The following DPP10 variants were observed in gnomAD, a reference collection of about 807,000 sequenced individuals.
DPP10 encodes dipeptidyl peptidase like 10.
DPP10 carries 33 observed loss-of-function variants against 120.9 expected under a neutral mutation model. That is an observed-to-expected ratio of 0.27 (90% CI 0.21 to 0.37). The LOEUF (loss-of-function observed/expected upper bound fraction) is 0.37, where lower values mean the gene tolerates loss of function less well. Ranked by LOEUF, DPP10 falls within the 10% of genes least tolerant of loss-of-function variation. The probability of loss-of-function intolerance (pLI) is 1.00; values close to 1 mark genes in which losing one functional copy is unlikely to be tolerated. For missense variants in DPP10, 816 were observed against 942.8 expected (o/e 0.87, Z 1.76); for synonymous variants, 337 against 326.1 (o/e 1.03, Z -0.36).
chr2:114,840,107 T>C (rs987611297), intron 1 of DPP10, among the ~76,000 whole-genome samples: 1 of 152,184 alleles, frequency 6.6e-6, no homozygotes, highest in Non-Finnish European at 1.5e-5. Context: ...CAAACAGTTG[T>C]TTTCCTAAGT....
chr2:114,993,395 A>C (rs1302278272), intron 1 of DPP10, among the ~76,000 whole-genome samples: 2 of 151,650 alleles, frequency 1.3e-5, no homozygotes, highest in Non-Finnish European at 2.9e-5. Context: ...ATGAATGAAT[A>C]AATTAGTCAT....
intron 1 of DPP10, among the ~76,000 whole-genome samples, chr2:114,820,633 A>G (rs1686008883): frequency 6.6e-6 from 1 of 152,182 alleles, no homozygotes; most frequent in Non-Finnish European, 1.5e-5. Flanking sequence ...ACAGGGCATC[A>G]GGAGATGGAA....
At chr2:115,130,337 C>T (rs991555871) in intron 1 of DPP10, among the ~76,000 whole-genome samples, 4 of 152,130 alleles carry the variant, frequency 2.6e-5, no homozygotes, top group African/African-American at 9.7e-5. Flanking sequence ...ACTGTTGTTA[C>T]GTTCTTCCTT....
chr2:115,381,679 T>G (rs570197467), intron 3 of DPP10, among the ~76,000 whole-genome samples: 6 of 152,298 alleles, frequency 3.9e-5, no homozygotes, highest in African/African-American at 1.4e-4. Flanking sequence ...CCCATCTTTG[T>G]GGTTTTATCT....
chr2:115,265,699 A>G (rs1319671382), intron 1 of DPP10, among the ~76,000 whole-genome samples: 1 of 152,078 alleles, frequency 6.6e-6, no homozygotes, highest in African/African-American at 2.4e-5. Flanking sequence ...GTGGCCAGGG[A>G]TAAGGGTCAG....
chr2:115,506,035 T>G (rs1048346783), intron 4 of DPP10, among the ~76,000 whole-genome samples: 1 of 151,942 alleles, frequency 6.6e-6, no homozygotes, highest in African/African-American at 2.4e-5. Context: ...TACTTTATGA[T>G]GGAACTTAAG....
chr2:115,813,593 A>G (rs1343488279), intron 19 of DPP10, among the ~76,000 whole-genome samples: 1 of 152,258 alleles, frequency 6.6e-6, no homozygotes, highest in Non-Finnish European at 1.5e-5. Context: ...AACATAATTC[A>G]GCCCCTAACA....
intron 2 of DPP10, chr2:115,342,217 G>A: frequency 2.3e-6 from 1 of 444,274 alleles, no homozygotes; most frequent in Non-Finnish European, 4.5e-6. Flanking sequence ...TTTGTTTTTT[G>A]AGACAAGGTC....
chr2:115,308,426 T>G (rs1010432065), intron 1 of DPP10, among the ~76,000 whole-genome samples: 2 of 152,122 alleles, frequency 1.3e-5, no homozygotes, highest in African/African-American at 4.8e-5. Flanking sequence ...TTTTATAAAC[T>G]GTATTGCAAA....
chr2:115,289,459 AAAC>A (rs1449360970), intron 1 of DPP10, among the ~76,000 whole-genome samples: 4 of 149,740 alleles, frequency 2.7e-5, no homozygotes, highest in East Asian at 4.0e-4. Context: ...GAATTAGAAA[AAAC>A]AAGCCTAAAA....
At chr2:115,626,878 G>A (rs897841849) in intron 5 of DPP10, among the ~76,000 whole-genome samples, 1 of 152,152 alleles carries the variant, frequency 6.6e-6, no homozygotes, top group Non-Finnish European at 1.5e-5. Flanking sequence ...ATAATGAACA[G>A]ATATTGATTT....
At chr2:115,353,195 G>T (rs2064150129) in intron 3 of DPP10, among the ~76,000 whole-genome samples, 2 of 152,062 alleles carry the variant, frequency 1.3e-5, no homozygotes, top group African/African-American at 4.8e-5. Flanking sequence ...TTATGGAAAA[G>T]ATAAAATTCA....
At chr2:114,499,552 C>G (rs1438879443) in intron 1 of DPP10, among the ~76,000 whole-genome samples, 1 of 151,718 alleles carries the variant, frequency 6.6e-6, no homozygotes, top group African/African-American at 2.4e-5. Context: ...AAAATGTTAG[C>G]ACAAGATGCT....
At chr2:115,582,720 C>G (rs1301763361) in intron 5 of DPP10, among the ~76,000 whole-genome samples, 1 of 152,128 alleles carries the variant, frequency 6.6e-6, no homozygotes, top group Non-Finnish European at 1.5e-5. Context: ...CCGTATGTAA[C>G]TTTTATTATT....
intron 1 of DPP10, among the ~76,000 whole-genome samples, chr2:114,725,656 C>A (rs1215710371): frequency 6.6e-6 from 1 of 152,192 alleles, no homozygotes; most frequent in Non-Finnish European, 1.5e-5. Context: ...CAGATCTTTT[C>A]ATGGACATTA....
At chr2:114,896,734 T>C (rs1360092566) in intron 1 of DPP10, among the ~76,000 whole-genome samples, 2 of 152,200 alleles carry the variant, frequency 1.3e-5, no homozygotes, top group Non-Finnish European at 2.9e-5. Flanking sequence ...TATTTCCTTC[T>C]CCTTACTAAC....
chr2:114,654,179 T>A (rs1469038037), intron 1 of DPP10, among the ~76,000 whole-genome samples: 1 of 152,182 alleles, frequency 6.6e-6, no homozygotes. Context: ...TACATACGAG[T>A]AAACTGCACT....
At chr2:114,700,235 A>G (rs1700307583) in intron 1 of DPP10, among the ~76,000 whole-genome samples, 2 of 151,966 alleles carry the variant, frequency 1.3e-5, no homozygotes, top group Admixed American at 6.6e-5. Context: ...TGGAGAATCA[A>G]TCACCTCCCC....
At chr2:115,330,886 T>G (rs577727811) in intron 2 of DPP10, among the ~76,000 whole-genome samples, 1 of 152,174 alleles carries the variant, frequency 6.6e-6, no homozygotes, top group African/African-American at 2.4e-5. Context: ...TTCTTTTGGC[T>G]TAGGATTGTC....
Sources: allele counts gnomAD v4.1 joint callset (sites outside exome capture counted in the v4.1 genomes callset), GRCh38; gene constraint gnomAD v4.1.1; transcripts MANE v1.5; gene names NCBI Gene and HGNC (gene_info 2026-07-23, HGNC 2026-07-21).